The following ULK2 variants were observed in gnomAD, a reference collection of about 807,000 sequenced individuals.
The protein encoded by ULK2 is unc-51 like autophagy activating kinase 2.
Under a neutral mutation model 127.5 loss-of-function variants are expected in ULK2, and 76 were observed. That is an observed-to-expected ratio of 0.60 (90% confidence interval 0.50 to 0.72). The LOEUF (loss-of-function observed/expected upper bound fraction) is 0.72, where lower values mean the gene tolerates loss of function less well. Among genes scored for constraint, ULK2 ranks in the 30% least tolerant of loss-of-function variants. The pLI is 0.00. For missense variants in ULK2, 1,144 were observed against 1,295.9 expected (o/e 0.88, Z 1.80); for synonymous variants, 452 against 461.9 (o/e 0.98, Z 0.28).
intron 20 of ULK2, among the ~76,000 whole-genome samples, chr17:19,795,066 G>A (rs772139196): frequency 7.9e-5 from 12 of 151,800 alleles, no homozygotes; most frequent in Non-Finnish European, 1.5e-4. Context: ...GCGACTGAGC[G>A]AGACTTCATC....
At chr17:19,785,902 T>C (rs749910922) in intron 21 of ULK2, 35 bp downstream of exon 21, 36 of 1,587,278 alleles carry the variant, frequency 2.3e-5, no homozygotes, top group Non-Finnish European at 2.9e-5. Flanking sequence ...TTCCAAATAC[T>C]AGCCAAAGAC....
At chr17:19,863,247 T>G (rs888446271) in intron 3 of ULK2, among the ~76,000 whole-genome samples, 17 of 152,020 alleles carry the variant, frequency 1.1e-4, no homozygotes, top group Admixed American at 4.6e-4. Context: ...TGAATGAATT[T>G]GAGTAATGCA....
intron 12 of ULK2, among the ~76,000 whole-genome samples, chr17:19,822,368 A>T (rs563739746): frequency 5.1e-4 from 75 of 146,728 alleles, no homozygotes; most frequent in Middle Eastern, 3.5e-3. Context: ...TTTTTATTTT[A>T]TTTTTTTTTT....
intron 3 of ULK2, among the ~76,000 whole-genome samples, chr17:19,853,158 A>G (rs2042054413): frequency 6.7e-6 from 1 of 148,784 alleles, no homozygotes; most frequent in South Asian, 2.1e-4. Context: ...TTTTTGAGAC[A>G]AGGTCCCGCT....
chr17:19,818,797 C>CTTTTTTTTTTTTTTTTTTT (rs71157835), intron 12 of ULK2, among the ~76,000 whole-genome samples: 7 of 77,762 alleles, frequency 9.0e-5, no homozygotes, highest in East Asian at 3.2e-4. Flanking sequence ...TTTCTTTTTT[C>CTTTTTTTTTTTTTTTTTTT]TTTTTTTTTT....
chr17:19,819,417 AAGG>A (rs995984543), intron 12 of ULK2, among the ~76,000 whole-genome samples: 2 of 152,124 alleles, frequency 1.3e-5, no homozygotes, highest in East Asian at 1.9e-4. Flanking sequence ...GCCCCTCAAA[AAGG>A]AGGAGAAGGA....
intron 5 of ULK2, among the ~76,000 whole-genome samples, chr17:19,848,847 T>C (rs1433756794): frequency 6.6e-6 from 1 of 152,022 alleles, no homozygotes; most frequent in African/African-American, 2.4e-5. Context: ...ATATCCTACA[T>C]GTATGCATTT....
In ULK2 at chr17:19,867,533, G is replaced by GC; in HGVS notation, c.-117dup. On this transcript the variant is annotated 5_prime_UTR_variant, in exon 1 of 27. The change abolishes the stop of an existing upstream ORF in the 5' untranslated region. Transcript: ENST00000395544. ...AGCGTGCGGCGGGTCTGGGGCAGCC[G>GC]CAGCCCCGGGCCCGGGCGGACTCTC... 1.8e-6 allele frequency: 1 copy of GC among 570,090 alleles called. No individual in the cohort carries two copies. Among genetic ancestry groups the GC allele is most frequent in the Non-Finnish European group, 2.6e-6 (1 of 391,930 alleles). 35.3% of individuals were successfully genotyped at this position (570,090 alleles called of 1,614,324 possible).
At chr17:19,781,209 G>T in intron 23 of ULK2, 105 bp from the exon 24 acceptor site, 1 of 726,188 alleles carries the variant, frequency 1.4e-6, no homozygotes, top group Non-Finnish European at 2.2e-6. Flanking sequence ...TAAAGGAATA[G>T]CATCCTCTTT....
At chr17:19,853,902 G>A (rs2042071288) in intron 3 of ULK2, among the ~76,000 whole-genome samples, 1 of 152,190 alleles carries the variant, frequency 6.6e-6, no homozygotes, top group South Asian at 2.1e-4. Context: ...ATCACCATGA[G>A]TGATAGGATT....
chr17:19,829,057 G>C (rs964213770), intron 10 of ULK2, among the ~76,000 whole-genome samples: 3 of 151,984 alleles, frequency 2.0e-5, no homozygotes, highest in Admixed American at 6.6e-5. Flanking sequence ...GAAAGTGTAA[G>C]ACTCCATCTC....
intron 3 of ULK2, among the ~76,000 whole-genome samples, chr17:19,862,646 A>G (rs2042267439): frequency 6.6e-6 from 1 of 151,806 alleles, no homozygotes; most frequent in Non-Finnish European, 1.5e-5. Flanking sequence ...TTGTATTTTT[A>G]GTAGAAATGG....
At position 19,814,149 on chromosome 17, in the gene ULK2, A is replaced by G. The variant is rs117020987; in HGVS notation, c.1096+2600T>C. On this transcript the variant is annotated intron_variant, in intron 13 of 26. Coordinates refer to ENST00000395544, the MANE Select transcript of ULK2 (RefSeq NM_014683.4). The stretch of plus-strand genomic sequence containing the variant: ...CAAATGTGACACTGCGTATCAGTGG[A>G]GAAAAGACAAATATTTAATAAATAG... 2.0e-4 allele frequency among the ~76,000 whole-genome samples: 31 copies of G among 152,168 alleles called. No homozygotes were observed. In the East Asian group the frequency reaches 5.0e-3, roughly 25 times the overall value.
chr17:19,814,034 C>T (rs1567696081), intron 13 of ULK2, among the ~76,000 whole-genome samples: 1 of 152,054 alleles, frequency 6.6e-6, no homozygotes, highest in Non-Finnish European at 1.5e-5. Flanking sequence ...CCTTCCCTCC[C>T]TGACCACACA....
At position 19,780,642 on chromosome 17, in the gene ULK2, TGA is replaced by T. The variant is rs1233366504; in HGVS notation, c.2759-15_2759-14del. 2.5e-6 allele frequency: 4 copies of T among 1,595,100 alleles called. No individual in the cohort carries two copies. Among genetic ancestry groups the T allele is most frequent in the East Asian group, 4.5e-5 (2 of 44,646 alleles). On this transcript the variant is annotated splice_polypyrimidine_tract_variant and intron_variant, in intron 24 of 26. Transcript: ENST00000395544. ...AGATTCTTGACAACTGAAAAAAAAT[TGA>T]GATGGGAACTAATTTTAATTTTCCT... is the stretch of plus-strand genomic sequence containing the variant.
intron 14 of ULK2, among the ~76,000 whole-genome samples, chr17:19,806,819 C>T (rs1233483980): frequency 6.6e-6 from 1 of 152,166 alleles, no homozygotes; most frequent in East Asian, 1.9e-4. Flanking sequence ...TCATCTTGGA[C>T]CCATATGAAA....
At chr17:19,853,077 T>G (rs186160126) in intron 3 of ULK2, among the ~76,000 whole-genome samples, 1 of 151,978 alleles carries the variant, frequency 6.6e-6, no homozygotes, top group Non-Finnish European at 1.5e-5. Context: ...AGCCAGACAA[T>G]TCAAAGAAAA....
At chr17:19,839,604 G>C (rs2041687287) in intron 9 of ULK2, among the ~76,000 whole-genome samples, 1 of 149,656 alleles carries the variant, frequency 6.7e-6, no homozygotes, top group Admixed American at 6.7e-5. Flanking sequence ...GGATGTTGCA[G>C]TGAGCCAAGA....
chr17:19,826,237 T>A (rs1249678217), intron 10 of ULK2, 51 bp from the exon 11 acceptor site: 1 of 1,165,378 alleles, frequency 8.6e-7, no homozygotes, highest in East Asian at 2.8e-5. Flanking sequence ...GACTAAACTA[T>A]CAACCAGGTT....
Sources: gnomAD v4.1 joint callset for allele counts (sites outside exome capture counted in the v4.1 genomes callset) on GRCh38, gnomAD v4.1.1 for gene constraint, MANE v1.5 for transcripts, NCBI Gene and HGNC (gene_info 2026-07-23, HGNC 2026-07-21) for gene names.